Variants in C12orf54 observed in about 807,000 individuals in gnomAD.
C12orf54 encodes the protein uncharacterized protein C12orf54.
In C12orf54, 24 loss-of-function variants were observed where a neutral mutation model predicts 26.4. That is an observed-to-expected ratio of 0.91 (90% CI 0.66 to 1.28). C12orf54 has a LOEUF of 1.28. C12orf54 is among the 50% of genes most tolerant of loss of function. C12orf54 has a pLI of 0.00. For missense variants in C12orf54, 154 were observed against 150.9 expected (o/e 1.02, Z -0.11); for synonymous variants, 54 against 47.0 (o/e 1.15, Z -0.61).
At chr12:48,459,154 A>G in the C12orf54 span, among the ~76,000 whole-genome samples, 2 of 151,990 alleles carry the variant, frequency 1.3e-5, no homozygotes, top group East Asian at 1.9e-4. Flanking sequence ...GCTCTCCCTC[A>G]TTCTTATAAT....
intron 5 of C12orf54, among the ~76,000 whole-genome samples, chr12:48,489,880 C>T (rs551768477): frequency 6.6e-6 from 1 of 152,114 alleles, no homozygotes; most frequent in East Asian, 1.9e-4. Context: ...TGCCACCACG[C>T]CCGGCTAATT....
chr12:48,476,503 C>T, the C12orf54 span, among the ~76,000 whole-genome samples: 1 of 152,176 alleles, frequency 6.6e-6, no homozygotes, highest in African/African-American at 2.4e-5. Flanking sequence ...GGAAACCTAT[C>T]TCACGTGCAG....
chr12:48,490,143 C>T (rs2731099), intron 5 of C12orf54, among the ~76,000 whole-genome samples: 51,625 of 152,000 alleles, frequency 0.34, 9,045 homozygotes, highest in African/African-American at 0.36. Flanking sequence ...CAGAGGGCCA[C>T]AAAGAATAAA....
the C12orf54 span, among the ~76,000 whole-genome samples, chr12:48,465,942 A>G: frequency 6.6e-6 from 1 of 152,338 alleles, no homozygotes; most frequent in South Asian, 2.1e-4. Context: ...TTCAAAATGA[A>G]TAATAGAACT....
At chr12:48,437,092 A>G in the C12orf54 span, among the ~76,000 whole-genome samples, 152 of 152,344 alleles carry the variant, frequency 1.0e-3, no homozygotes, top group African/African-American at 3.6e-3. Context: ...CCACAGAAAT[A>G]CAAACTACCA....
chr12:48,471,183 T>C, the C12orf54 span, among the ~76,000 whole-genome samples: 1 of 152,092 alleles, frequency 6.6e-6, no homozygotes, highest in Non-Finnish European at 1.5e-5. Context: ...CACAAATAAG[T>C]GAGAACATGC....
intron 8 of C12orf54, chr12:48,495,733 T>G (rs946811858): frequency 6.6e-6 from 1 of 152,494 alleles, no homozygotes; most frequent in Non-Finnish European, 1.5e-5. Flanking sequence ...TGTGTCTAAG[T>G]ACAGTGACTC....
chr12:48,448,895 A>C, the C12orf54 span, among the ~76,000 whole-genome samples: 3 of 152,198 alleles, frequency 2.0e-5, no homozygotes, highest in Non-Finnish European at 2.9e-5. Flanking sequence ...GCTTGGTTTT[A>C]TACATTTTAG....
the C12orf54 span, among the ~76,000 whole-genome samples, chr12:48,465,243 G>T: frequency 6.6e-6 from 1 of 152,188 alleles, no homozygotes; most frequent in African/African-American, 2.4e-5. Flanking sequence ...CCATTAAAAA[G>T]TGGGCAAGGG....
At chr12:48,432,568 G>A in the C12orf54 span, among the ~76,000 whole-genome samples, 1 of 152,088 alleles carries the variant, frequency 6.6e-6, no homozygotes, top group Non-Finnish European at 1.5e-5. Context: ...TTAAAAATGA[G>A]ATATATAAAA....
At chr12:48,443,539 A>G in the C12orf54 span, among the ~76,000 whole-genome samples, 1 of 152,226 alleles carries the variant, frequency 6.6e-6, no homozygotes, top group Non-Finnish European at 1.5e-5. Context: ...AAATAATCAG[A>G]GAGAAGGCAG....
the C12orf54 span, among the ~76,000 whole-genome samples, chr12:48,443,739 T>A: frequency 1.7e-5 from 2 of 116,758 alleles, no homozygotes; most frequent in Admixed American, 8.5e-5. Flanking sequence ...AGTGTGGTCT[T>A]CTTTTTTGCC....
the C12orf54 span, among the ~76,000 whole-genome samples, chr12:48,435,153 G>A: frequency 6.6e-6 from 1 of 152,152 alleles, no homozygotes; most frequent in Non-Finnish European, 1.5e-5. Context: ...CTGGAAGAAA[G>A]GGTATCAGCG....
the C12orf54 span, among the ~76,000 whole-genome samples, chr12:48,475,137 G>C: frequency 1.2e-3 from 178 of 152,208 alleles, no homozygotes; most frequent in African/African-American, 4.1e-3. Context: ...AGGCAAACAG[G>C]GTCTGGAGTG....
chr12:48,436,971 G>C, the C12orf54 span, among the ~76,000 whole-genome samples: 8 of 152,070 alleles, frequency 5.3e-5, no homozygotes, highest in Admixed American at 1.3e-4. Context: ...CCAGGAGCTT[G>C]TTTTTTGAAA....
rs372319369 is a variant in C12orf54, at chr12:48,493,014, A to G, written c.242+19A>G. 4.5e-5 allele frequency: 73 copies of G among 1,611,406 alleles called. No homozygotes were observed. The African/African-American group carries it at 9.2e-4, about 20-fold the overall frequency. On this transcript the variant is annotated intron_variant, in intron 7 of 8. Transcript: ENST00000548364. ...GGACTGGGTAAGTGTCCCTATTCTG[A>G]CAATGTTCAAGGGAGATGGCACCCA... is the stretch of plus-strand genomic sequence containing the variant.
At chr12:48,423,342 A>T in the C12orf54 span, among the ~76,000 whole-genome samples, 6 of 152,256 alleles carry the variant, frequency 3.9e-5, no homozygotes, top group South Asian at 1.2e-3. Flanking sequence ...AGCTGGAAAA[A>T]TATTTTCAAC....
intron 6 of C12orf54, 46 bp downstream of exon 6, chr12:48,490,882 G>GT: frequency 6.3e-7 from 1 of 1,599,420 alleles, no homozygotes. Context: ...ACAAGGGAGG[G>GT]GATTTGGAAT....
At chr12:48,463,806 G>A in the C12orf54 span, among the ~76,000 whole-genome samples, 5 of 151,918 alleles carry the variant, frequency 3.3e-5, no homozygotes, top group African/African-American at 7.2e-5. Context: ...GACTCATCAC[G>A]TAAACAGAAC....
Sources: allele counts gnomAD v4.1 joint callset (sites outside exome capture counted in the v4.1 genomes callset), GRCh38; gene constraint gnomAD v4.1.1; transcripts MANE v1.5; gene names NCBI Gene and HGNC (gene_info 2026-07-23, HGNC 2026-07-21).